The following ERGIC1 variants were observed in gnomAD, a reference collection of about 807,000 sequenced individuals.
ERGIC1 encodes endoplasmic reticulum-Golgi intermediate compartment protein 1.
Under a neutral mutation model 38.3 loss-of-function variants are expected in ERGIC1, and 19 were observed. The ratio of observed to expected loss-of-function variants is 0.50; its 90% CI spans 0.35 to 0.73. The LOEUF is 0.73. Among genes scored for constraint, ERGIC1 ranks in the 30% least tolerant of loss-of-function variants. The pLI is 0.01. For synonymous variants in ERGIC1, 124 were observed against 157.6 expected (o/e 0.79, Z 1.60); for missense variants, 294 against 389.2 (o/e 0.76, Z 2.06).
intron 1 of ERGIC1, among the ~76,000 whole-genome samples, chr5:172,847,187 A>T (rs987915431): frequency 6.6e-6 from 1 of 151,906 alleles, no homozygotes; most frequent in Admixed American, 6.6e-5. Flanking sequence ...GGTGTGCTGG[A>T]TCCTCTCCTT....
chr5:172,857,217 C>G (rs1157353368), intron 1 of ERGIC1, among the ~76,000 whole-genome samples: 2 of 152,170 alleles, frequency 1.3e-5, no homozygotes, highest in Non-Finnish European at 2.9e-5. Context: ...GGGCTAGTGA[C>G]TGCTTCACAG....
At chr5:172,839,082 A>C (rs1037496767) in intron 1 of ERGIC1, among the ~76,000 whole-genome samples, 3 of 151,750 alleles carry the variant, frequency 2.0e-5, no homozygotes, top group African/African-American at 7.3e-5. Flanking sequence ...CTCTAATAAA[A>C]ATACAAAAAT....
intron 3 of ERGIC1, among the ~76,000 whole-genome samples, chr5:172,907,518 A>G (rs899260389): frequency 2.0e-5 from 3 of 151,942 alleles, no homozygotes; most frequent in Admixed American, 6.5e-5. Context: ...AGATCGCGCC[A>G]CTGCACTCCA....
chr5:172,919,100 C>T (rs576450864), intron 5 of ERGIC1, among the ~76,000 whole-genome samples: 8 of 152,332 alleles, frequency 5.3e-5, no homozygotes, highest in African/African-American at 9.6e-5. Context: ...CCATGCTCCC[C>T]GCCGTTGGTG....
At chr5:172,867,029 G>A in intron 1 of ERGIC1, 1 of 385,562 alleles carries the variant, frequency 2.6e-6, no homozygotes, top group Non-Finnish European at 5.3e-6. Context: ...TGATGATGCA[G>A]ATGGAGATGA....
At chr5:172,838,354 T>A (rs1561696143) in intron 1 of ERGIC1, among the ~76,000 whole-genome samples, 1 of 151,960 alleles carries the variant, frequency 6.6e-6, no homozygotes, top group Non-Finnish European at 1.5e-5. Flanking sequence ...CCCCTCTGAG[T>A]GTGTGACCCT....
chr5:172,840,990 G>T (rs1761145777), intron 1 of ERGIC1, among the ~76,000 whole-genome samples: 1 of 152,194 alleles, frequency 6.6e-6, no homozygotes, highest in East Asian at 1.9e-4. Flanking sequence ...GAGTTATTTG[G>T]TTCAGCCCAA....
intron 1 of ERGIC1, among the ~76,000 whole-genome samples, chr5:172,884,140 G>A (rs753227115): frequency 1.3e-5 from 2 of 150,920 alleles, no homozygotes; most frequent in African/African-American, 2.4e-5. Context: ...TTATTTCTAT[G>A]TATGTTTTAT....
chr5:172,890,775 C>T (rs554786464), intron 2 of ERGIC1, among the ~76,000 whole-genome samples: 1 of 152,230 alleles, frequency 6.6e-6, no homozygotes, highest in African/African-American at 2.4e-5. Flanking sequence ...AACTGCCCCC[C>T]TGATGGTCCC....
intron 3 of ERGIC1, among the ~76,000 whole-genome samples, chr5:172,907,224 G>A (rs1302446088): frequency 6.6e-6 from 1 of 152,188 alleles, no homozygotes; most frequent in African/African-American, 2.4e-5. Flanking sequence ...GGGAGCCCGT[G>A]TGAGTGCGAG....
intron 1 of ERGIC1, among the ~76,000 whole-genome samples, chr5:172,879,849 C>A (rs2113214736): frequency 6.6e-6 from 1 of 152,260 alleles, no homozygotes; most frequent in East Asian, 1.9e-4. Flanking sequence ...GGGGGACCTT[C>A]TTGTGTGCCA....
chr5:172,908,068 G>A (rs1424395144), intron 3 of ERGIC1, among the ~76,000 whole-genome samples: 1 of 151,638 alleles, frequency 6.6e-6, no homozygotes, highest in Admixed American at 6.6e-5. Flanking sequence ...ACAGAATAAT[G>A]ACCCCCTGCC....
intron 5 of ERGIC1, among the ~76,000 whole-genome samples, chr5:172,919,738 C>T (rs140653355): frequency 4.1e-4 from 63 of 152,284 alleles, no homozygotes; most frequent in African/African-American, 1.4e-3. Flanking sequence ...CCTCATCTCC[C>T]GTCAGTGCAA....
intron 9 of ERGIC1, among the ~76,000 whole-genome samples, chr5:172,949,603 C>T (rs755590811): frequency 6.6e-6 from 1 of 151,076 alleles, no homozygotes; most frequent in African/African-American, 2.4e-5. Flanking sequence ...GCAATTTTGA[C>T]ATCTGGGGAC....
intron 3 of ERGIC1, among the ~76,000 whole-genome samples, chr5:172,901,495 C>T (rs541249389): frequency 6.6e-6 from 1 of 152,354 alleles, no homozygotes; most frequent in Admixed American, 6.5e-5. Flanking sequence ...GAACTCTCCA[C>T]TGATAGTTTA....
intron 5 of ERGIC1, among the ~76,000 whole-genome samples, chr5:172,920,201 C>A (rs926865607): frequency 6.6e-6 from 1 of 152,154 alleles, no homozygotes; most frequent in Non-Finnish European, 1.5e-5. Flanking sequence ...CGTCCCCCAC[C>A]CCAGCCCAGC....
chr5:172,885,816 G>A (rs188294504), intron 1 of ERGIC1, among the ~76,000 whole-genome samples: 2 of 152,160 alleles, frequency 1.3e-5, no homozygotes, highest in East Asian at 3.9e-4. Flanking sequence ...GCTCCGCAAG[G>A]CCTCTCCGCT....
chr5:172,856,908 G>A (rs909737188), intron 1 of ERGIC1, among the ~76,000 whole-genome samples: 17 of 152,254 alleles, frequency 1.1e-4, no homozygotes, highest in Non-Finnish European at 2.2e-4. Flanking sequence ...TGTGTGAAAC[G>A]TAATTAAGCC....
chr5:172,888,970 G>A (rs1421823704), intron 2 of ERGIC1, among the ~76,000 whole-genome samples: 1 of 152,188 alleles, frequency 6.6e-6, no homozygotes, highest in African/African-American at 2.4e-5. Flanking sequence ...CCATCTGGAA[G>A]GACATGAAAG....
Sources: gnomAD v4.1 joint callset for allele counts (sites outside exome capture counted in the v4.1 genomes callset) on GRCh38, gnomAD v4.1.1 for gene constraint, MANE v1.5 for transcripts, NCBI Gene and HGNC (gene_info 2026-07-23, HGNC 2026-07-21) for gene names.